The following TRPM3 variants were observed in gnomAD, a reference collection of about 807,000 sequenced individuals.
The protein encoded by TRPM3 is long transient receptor potential channel 3.
In TRPM3, 77 loss-of-function variants were observed where a neutral mutation model predicts 181.2. The ratio of observed to expected loss-of-function variants is 0.42; its 90% CI spans 0.35 to 0.51. The LOEUF is 0.51. TRPM3 is among the 20% of genes least tolerant of loss of function. TRPM3 has a pLI of 0.01. For missense variants in TRPM3, 1,759 were observed against 2,196.7 expected, an observed-to-expected ratio of 0.80 and a Z score of 3.98; for synonymous variants, 745 against 796.4, an observed-to-expected ratio of 0.94 and a Z score of 1.09.
At chr9:71,393,986 A>G (rs1207886226) in intron 1 of TRPM3, among the ~76,000 whole-genome samples, 1 of 152,206 alleles carries the variant, frequency 6.6e-6, no homozygotes, top group Non-Finnish European at 1.5e-5. Context: ...ACCGCTTTAC[A>G]ATACAGAAAA....
chr9:71,316,819 C>T (rs2088638453), intron 1 of TRPM3, among the ~76,000 whole-genome samples: 2 of 152,022 alleles, frequency 1.3e-5, no homozygotes, highest in South Asian at 2.1e-4. Context: ...TTAATTACAA[C>T]AGCAAAAGAA....
intron 3 of TRPM3, among the ~76,000 whole-genome samples, chr9:70,856,017 G>C (rs2095377207): frequency 6.6e-6 from 1 of 152,084 alleles, no homozygotes; most frequent in Admixed American, 6.6e-5. Context: ...GAGATATCAG[G>C]TACTTACAGG....
chr9:70,561,895 A>C (rs2049183930), intron 22 of TRPM3, among the ~76,000 whole-genome samples: 1 of 152,194 alleles, frequency 6.6e-6, no homozygotes, highest in Non-Finnish European at 1.5e-5. Flanking sequence ...CATCTTCCTG[A>C]CGCCATCAGA....
intron 22 of TRPM3, among the ~76,000 whole-genome samples, chr9:70,577,963 C>T (rs900006357): frequency 9.2e-5 from 14 of 152,196 alleles, no homozygotes; most frequent in African/African-American, 3.1e-4. Context: ...TTCATAGTGA[C>T]ATTTTACTTC....
chr9:71,164,380 G>C (rs1051896997), intron 1 of TRPM3, among the ~76,000 whole-genome samples: 5 of 152,180 alleles, frequency 3.3e-5, no homozygotes, highest in Admixed American at 3.3e-4. Context: ...TGTCACAAGA[G>C]TTGAGTTTAC....
At chr9:71,142,093 T>C (rs1018320744) in intron 1 of TRPM3, among the ~76,000 whole-genome samples, 1 of 152,186 alleles carries the variant, frequency 6.6e-6, no homozygotes, top group African/African-American at 2.4e-5. Flanking sequence ...AACTTTGAAA[T>C]GTTGAATAGG....
At chr9:71,316,752 C>T (rs1228918422) in intron 1 of TRPM3, among the ~76,000 whole-genome samples, 1 of 152,076 alleles carries the variant, frequency 6.6e-6, no homozygotes, top group East Asian at 1.9e-4. Flanking sequence ...AGGCTTCTGA[C>T]TTACAGAACT....
chr9:71,369,405 G>A (rs921342825), intron 1 of TRPM3, among the ~76,000 whole-genome samples: 4 of 152,108 alleles, frequency 2.6e-5, no homozygotes, highest in East Asian at 1.9e-4. Context: ...CTAAAGAATC[G>A]AAACTTAGAG....
rs972736482 is a variant in TRPM3 at position 70,865,051 on chromosome 9, G to T, written c.178-540C>A. Among the ~76,000 whole-genome samples, 9 of 150,814 alleles carry T rather than the reference G, an allele frequency of 6.0e-5. 1 individual carries two copies. Among genetic ancestry groups the T allele is most frequent in the South Asian group, 4.2e-4 (2 of 4,746 alleles). The stretch of plus-strand genomic sequence containing the variant: ...AGTGCTAAGTACAGGGGGGTTGGGG[G>T]GGGGGAGGAAAATAAAAGCATGAGG... On this transcript the variant is annotated intron_variant, in intron 1 of 25. Transcript: ENST00000677713.
At chr9:71,163,338 G>T (rs1387531651) in intron 1 of TRPM3, among the ~76,000 whole-genome samples, 1 of 55,212 alleles carries the variant, frequency 1.8e-5, no homozygotes, top group Non-Finnish European at 4.2e-5. Flanking sequence ...ATATAGGTAG[G>T]TAGGTAGGTA....
At chr9:70,564,369 G>A (rs147135996) in intron 22 of TRPM3, among the ~76,000 whole-genome samples, 63 of 152,210 alleles carry the variant, frequency 4.1e-4, no homozygotes, top group Middle Eastern at 3.4e-3. Context: ...AGCAATGAGG[G>A]CAGGAGGAGG....
intron 1 of TRPM3, among the ~76,000 whole-genome samples, chr9:71,408,187 C>T (rs977232265): frequency 7.9e-5 from 12 of 152,164 alleles, no homozygotes; most frequent in African/African-American, 2.7e-4. Flanking sequence ...AACCAGAGCA[C>T]CTCTTCTCCT....
At chr9:70,875,320 G>A (rs1268207047) in intron 1 of TRPM3, among the ~76,000 whole-genome samples, 2 of 151,404 alleles carry the variant, frequency 1.3e-5, no homozygotes, top group Admixed American at 6.6e-5. Context: ...GTATATATAG[G>A]GCCTTTTTTG....
intron 1 of TRPM3, among the ~76,000 whole-genome samples, chr9:71,260,348 T>G (rs548714021): frequency 1.2e-4 from 18 of 152,302 alleles, no homozygotes; most frequent in African/African-American, 4.3e-4. Context: ...TGCTTAGGAT[T>G]TTCTTGGCTA....
intron 7 of TRPM3, among the ~76,000 whole-genome samples, chr9:70,768,811 G>A (rs10746855): frequency 3.5e-4 from 53 of 151,950 alleles, no homozygotes; most frequent in African/African-American, 1.3e-3. Context: ...ATTTACTAGT[G>A]AGGGACCTGA....
chr9:71,398,568 C>T (rs2093257026), intron 1 of TRPM3, among the ~76,000 whole-genome samples: 1 of 152,168 alleles, frequency 6.6e-6, no homozygotes, highest in Non-Finnish European at 1.5e-5. Flanking sequence ...GTGTATGTCA[C>T]TTCCCCCAGC....
chr9:71,330,173 A>T (rs1381524728), intron 1 of TRPM3, among the ~76,000 whole-genome samples: 2 of 151,836 alleles, frequency 1.3e-5, no homozygotes, highest in African/African-American at 4.8e-5. Context: ...CGGACCACAC[A>T]CAGGAACATC....
chr9:70,914,037 T>C (rs1391179090), intron 1 of TRPM3, among the ~76,000 whole-genome samples: 1 of 152,220 alleles, frequency 6.6e-6, no homozygotes, highest in East Asian at 1.9e-4. Flanking sequence ...TACCACACTA[T>C]GGTTTGAATG....
chr9:71,336,322 A>T (rs904955892), intron 1 of TRPM3, among the ~76,000 whole-genome samples: 1 of 152,184 alleles, frequency 6.6e-6, no homozygotes, highest in Non-Finnish European at 1.5e-5. Flanking sequence ...ATAGTCAAAC[A>T]GCCAAATCAT....
Sources: gnomAD v4.1 joint callset for allele counts (sites outside exome capture counted in the v4.1 genomes callset) on GRCh38, gnomAD v4.1.1 for gene constraint, MANE v1.5 for transcripts, NCBI Gene and HGNC (gene_info 2026-07-23, HGNC 2026-07-21) for gene names.